PSMG2: variants seen among roughly 807,000 people sequenced by gnomAD.
The protein encoded by PSMG2 is proteasome assembly chaperone 2, also known as CD40 ligand-activated specific transcript 3.
PSMG2 carries 21 observed loss-of-function variants against 31.5 expected under a neutral mutation model. The observed-to-expected ratio is 0.67, with a 90% CI of 0.47 to 0.96. PSMG2 has a LOEUF of 0.96. Ranked by LOEUF, PSMG2 falls within the 40% of genes least tolerant of loss-of-function variation. PSMG2 has a pLI of 0.00. For missense variants in PSMG2, 318 were observed against 321.2 expected (o/e 0.99, Z 0.08); for synonymous variants, 120 against 110.4 (o/e 1.09, Z -0.54).
At chr18:12,691,406 G>C in intron 1 of PSMG2, 3 of 1,607,510 alleles carry the variant, frequency 1.9e-6, no homozygotes, top group Non-Finnish European at 2.6e-6. Context: ...GGTCGAATTT[G>C]CAAATATTCT....
At chr18:12,659,065 A>G (rs1213356274) in intron 1 of PSMG2, among the ~76,000 whole-genome samples, 1 of 152,206 alleles carries the variant, frequency 6.6e-6, no homozygotes, top group African/African-American at 2.4e-5. Flanking sequence ...AATAAAACAG[A>G]TAATTCTTAA....
At chr18:12,720,412 C>T in intron 4 of PSMG2, 98 bp from the exon 5 acceptor site, 2 of 960,124 alleles carry the variant, frequency 2.1e-6, no homozygotes, top group South Asian at 2.6e-5. Flanking sequence ...TTGTGTTTTG[C>T]CTGTGCAGCA....
chr18:12,684,030 T>C (rs1568018890), intron 1 of PSMG2, among the ~76,000 whole-genome samples: 1 of 150,820 alleles, frequency 6.6e-6, no homozygotes, highest in Non-Finnish European at 1.5e-5. Flanking sequence ...CATATATATA[T>C]GTATTTTTTT....
chr18:12,691,301 A>G, intron 1 of PSMG2: 1 of 1,057,608 alleles, frequency 9.5e-7, no homozygotes, highest in Non-Finnish European at 1.4e-6. Context: ...TGAAATTTAC[A>G]CACATAACAG....
At chr18:12,692,908 G>A (rs1009251388) in intron 1 of PSMG2, among the ~76,000 whole-genome samples, 3 of 152,076 alleles carry the variant, frequency 2.0e-5, no homozygotes, top group Admixed American at 6.6e-5. Flanking sequence ...CTGTAGCCTC[G>A]AATTCCTGGG....
intron 1 of PSMG2, chr18:12,661,305 T>C: frequency 3.2e-6 from 3 of 931,170 alleles, no homozygotes; most frequent in Non-Finnish European, 3.8e-6. Context: ...TGAGCCTTCA[T>C]CTCAAAAAAG....
At chr18:12,692,561 C>T (rs555184069) in intron 1 of PSMG2, among the ~76,000 whole-genome samples, 2 of 152,308 alleles carry the variant, frequency 1.3e-5, no homozygotes, top group African/African-American at 2.4e-5. Context: ...GTTGTTCAGA[C>T]TCTTTCCCTA....
rs546908175 is a variant in PSMG2, at chr18:12,684,282, T to G, written c.-36-22268T>G. On this transcript the variant is annotated intron_variant, in intron 1 of 6. Transcript: ENST00000585331. The stretch of plus-strand genomic sequence containing the variant: ...CCACACCTGGCCCATGCCTGGGTAA[T>G]TTTTATAGTTTTTTAGAGAGAGGGA... The G allele has an allele frequency of 6.0e-5, 9 of 149,992 alleles. No homozygotes were observed. In the South Asian group the frequency reaches 8.5e-4, roughly 14 times the overall value. 9.3% of individuals were successfully genotyped at this position (149,992 alleles called of 1,614,324 possible).
At chr18:12,705,305 C>T (rs2040253297) in intron 1 of PSMG2, among the ~76,000 whole-genome samples, 1 of 152,108 alleles carries the variant, frequency 6.6e-6, no homozygotes, top group African/African-American at 2.4e-5. Context: ...CTCAGGTGAT[C>T]CACCTGCCTC....
At chr18:12,721,054 C>T (rs2040426339) in intron 5 of PSMG2, among the ~76,000 whole-genome samples, 1 of 151,588 alleles carries the variant, frequency 6.6e-6, no homozygotes, top group African/African-American at 2.4e-5. Context: ...ATGGTGGGCA[C>T]CTGTAGTCCC....
chr18:12,702,933 C>G, upstream of PSMG2: 1 of 716,692 alleles, frequency 1.4e-6, no homozygotes, highest in Non-Finnish European at 2.2e-6. Context: ...CCGGCGGCCT[C>G]TTTCCGCCCT....
intron 5 of PSMG2, among the ~76,000 whole-genome samples, chr18:12,723,306 G>C (rs1034248483): frequency 6.6e-6 from 1 of 151,962 alleles, no homozygotes; most frequent in Non-Finnish European, 1.5e-5. Context: ...GAAACTTTTT[G>C]CCTTGGTGTA....
At chr18:12,686,089 TA>T in intron 1 of PSMG2, 1 of 500,772 alleles carries the variant, frequency 2.0e-6, no homozygotes, top group Non-Finnish European at 3.5e-6. Context: ...TGTAATTTTT[TA>T]CTTTTGTAAG....
chr18:12,706,516 G>A (rs1340222822), intron 1 of PSMG2, 34 bp from the exon 2 acceptor site: 2 of 1,602,182 alleles, frequency 1.2e-6, no homozygotes, highest in Non-Finnish European at 1.7e-6. Flanking sequence ...TGCTAATTTT[G>A]GTGACTTACT....
intron 1 of PSMG2, chr18:12,697,465 TAAAAG>T: frequency 8.8e-7 from 1 of 1,136,054 alleles, no homozygotes; most frequent in Non-Finnish European, 1.2e-6. Flanking sequence ...TAGGCCAACA[TAAAAG>T]AATACTTTTA....
In PSMG2 at chr18:12,677,237, C is replaced by T. The variant is rs117132149; in HGVS notation, c.-37+18464C>T. On this transcript the variant is annotated intron_variant, in intron 1 of 6. Transcript: ENST00000585331. ...GGAGGCTGAGGCAGGTAGATCACTT[C>T]GAGATCAGCCTGGCCAACATGGTGA... Among the ~76,000 whole-genome samples the T allele has an allele frequency of 7.8e-3, 1,188 of 151,990 alleles. 10 individuals are homozygous for T. The highest frequency in any genetic ancestry group is 0.014 in the Admixed American group (211 of 15,244).
upstream of PSMG2, among the ~76,000 whole-genome samples, chr18:12,698,086 T>C (rs924010326): frequency 1.3e-5 from 2 of 151,908 alleles, no homozygotes; most frequent in Non-Finnish European, 2.9e-5. Context: ...CATGCTTTAT[T>C]GGAGAAATAA....
intron 1 of PSMG2, among the ~76,000 whole-genome samples, chr18:12,662,405 CTGGAATT>C (rs1342354998): frequency 6.6e-6 from 1 of 152,198 alleles, no homozygotes; most frequent in African/African-American, 2.4e-5. Context: ...ACAGTTGGTA[CTGGAATT>C]CAGGCCTCCT....
intron 1 of PSMG2, chr18:12,685,559 G>C (rs1568020259): frequency 6.6e-6 from 1 of 152,056 alleles, no homozygotes; most frequent in Non-Finnish European, 1.5e-5. Context: ...TGGTCAAGCT[G>C]ATAGCACCCC....
Sources: gnomAD v4.1 joint callset for allele counts (sites outside exome capture counted in the v4.1 genomes callset) on GRCh38, gnomAD v4.1.1 for gene constraint, MANE v1.5 for transcripts, NCBI Gene and HGNC (gene_info 2026-07-23, HGNC 2026-07-21) for gene names.